EYS: variants seen among roughly 807,000 people sequenced by gnomAD.
EYS encodes EGF-like photoreceptor maintenance factor, also known as protein eyes shut homolog.
EYS carries 250 observed loss-of-function variants against 282.1 expected under a neutral mutation model. The ratio of observed to expected loss-of-function variants is 0.89; its 90% CI spans 0.80 to 0.98. EYS has a LOEUF of 0.98. Among genes scored for constraint, EYS ranks in the 50% least tolerant of loss-of-function variants. The pLI is 0.00. For missense variants in EYS, 4,016 were observed against 3,709.0 expected, an observed-to-expected ratio of 1.08 and a Z score of -2.15; for synonymous variants, 1,355 against 1,282.9, an observed-to-expected ratio of 1.06 and a Z score of -1.20.
At chr6:64,892,122 A>G (rs1323685991) in intron 18 of EYS, among the ~76,000 whole-genome samples, 1 of 151,864 alleles carries the variant, frequency 6.6e-6, no homozygotes, top group African/African-American at 2.4e-5. Context: ...ATATCTCCAA[A>G]CTATAAAAAG....
chr6:64,949,310 C>T (rs1769400369), intron 14 of EYS, among the ~76,000 whole-genome samples: 1 of 151,866 alleles, frequency 6.6e-6, no homozygotes, highest in Non-Finnish European at 1.5e-5. Flanking sequence ...GTGATCTCAC[C>T]TAGGAAATGG....
At chr6:63,996,048 A>T (rs1310805133) in intron 34 of EYS, among the ~76,000 whole-genome samples, 1 of 151,966 alleles carries the variant, frequency 6.6e-6, no homozygotes, top group Non-Finnish European at 1.5e-5. Flanking sequence ...AAAACACTAC[A>T]TTGTACCTGA....
chr6:65,232,782 A>G (rs772344944), intron 12 of EYS, among the ~76,000 whole-genome samples: 14 of 152,266 alleles, frequency 9.2e-5, no homozygotes, highest in African/African-American at 1.4e-4. Flanking sequence ...GAACTTCAAC[A>G]TATGAATTTG....
intron 1 of EYS, among the ~76,000 whole-genome samples, chr6:65,689,781 C>T (rs1396979048): frequency 1.3e-5 from 2 of 149,790 alleles, no homozygotes. Flanking sequence ...TGGTGGTTTG[C>T]TGCACCCCTC....
At chr6:64,093,536 C>A (rs1328371244) in intron 31 of EYS, among the ~76,000 whole-genome samples, 1 of 152,166 alleles carries the variant, frequency 6.6e-6, no homozygotes, top group Non-Finnish European at 1.5e-5. Flanking sequence ...GGAGTCCACT[C>A]ATGATTTGGC....
At chr6:64,880,415 A>G (rs1766877016) in intron 19 of EYS, among the ~76,000 whole-genome samples, 1 of 151,806 alleles carries the variant, frequency 6.6e-6, no homozygotes, top group Non-Finnish European at 1.5e-5. Context: ...TAATTATTCA[A>G]TTACATAAAA....
At chr6:63,894,038 C>A (rs1430577606) in intron 35 of EYS, among the ~76,000 whole-genome samples, 1 of 152,172 alleles carries the variant, frequency 6.6e-6, no homozygotes, top group Admixed American at 6.5e-5. Flanking sequence ...ACAGCAAGAC[C>A]ATCACCCTTC....
At chr6:64,052,342 A>G (rs1432422161) in intron 33 of EYS, among the ~76,000 whole-genome samples, 1 of 152,194 alleles carries the variant, frequency 6.6e-6, no homozygotes. Flanking sequence ...GTTTGCTCAA[A>G]TAATAATTAG....
chr6:65,266,989 T>TAGAGAGAG (rs1554173094), intron 12 of EYS, among the ~76,000 whole-genome samples: 1,963 of 142,108 alleles, frequency 0.014, 17 homozygotes, highest in Non-Finnish European at 0.02. Context: ...TATATATATA[T>TAGAGAGAG]AGAGAGAGAG....
intron 8 of EYS, among the ~76,000 whole-genome samples, chr6:65,356,171 C>T (rs1764477143): frequency 6.6e-6 from 1 of 151,876 alleles, no homozygotes; most frequent in African/African-American, 2.4e-5. Context: ...TTAGCAATAA[C>T]AAAGAATAAA....
intron 13 of EYS, among the ~76,000 whole-genome samples, chr6:65,050,377 A>C (rs1224586229): frequency 2.6e-5 from 4 of 151,708 alleles, no homozygotes; most frequent in Admixed American, 1.3e-4. Flanking sequence ...GAAAGACAAA[A>C]TTAACTTCAA....
At chr6:63,963,206 T>C (rs929004280) in intron 35 of EYS, among the ~76,000 whole-genome samples, 25 of 151,866 alleles carry the variant, frequency 1.6e-4, no homozygotes, top group African/African-American at 5.8e-4. Context: ...CACACCAACA[T>C]GGCATATGTA....
At chr6:65,408,819 T>C (rs908542898) in intron 5 of EYS, among the ~76,000 whole-genome samples, 2 of 152,176 alleles carry the variant, frequency 1.3e-5, no homozygotes, top group Non-Finnish European at 2.9e-5. Flanking sequence ...TTGAGAGTTC[T>C]TTTTCTGGTG....
intron 29 of EYS, among the ~76,000 whole-genome samples, chr6:64,327,624 G>C (rs1770477210): frequency 6.6e-6 from 1 of 152,122 alleles, no homozygotes; most frequent in Non-Finnish European, 1.5e-5. Flanking sequence ...ACCACCCTAA[G>C]TGGCTGCAGG....
In EYS at chr6:64,466,598, G is replaced by A. The variant is rs185085699; in HGVS notation, c.5645-27246C>T. Among the ~76,000 whole-genome samples the A allele has an allele frequency of 6.6e-5, 10 of 152,196 alleles. No homozygotes were observed. In the East Asian group the frequency reaches 1.9e-3, roughly 29 times the overall value. ...AGAATGTTGGTTAGCAGGGATTTGGGAGGAGGTTGAGAAGATATTGGTCAA... is the reference window on the plus strand; with the variant it reads ...AGAATGTTGGTTAGCAGGGATTTGGAAGGAGGTTGAGAAGATATTGGTCAA... On this transcript the variant is annotated intron_variant, in intron 26 of 42. Coordinates refer to ENST00000503581, the MANE Select transcript of EYS (RefSeq NM_001142800.2).
At chr6:64,351,146 A>G (rs956206198) in intron 29 of EYS, among the ~76,000 whole-genome samples, 1 of 151,422 alleles carries the variant, frequency 6.6e-6, no homozygotes, top group Non-Finnish European at 1.5e-5. Flanking sequence ...CATCCAGGAA[A>G]TTCAGTTTTC....
chr6:65,117,160 G>A (rs1044434334), intron 12 of EYS, among the ~76,000 whole-genome samples: 1 of 152,138 alleles, frequency 6.6e-6, no homozygotes, highest in African/African-American at 2.4e-5. Flanking sequence ...TGAGGTCACA[G>A]GTTTTTACCA....
intron 26 of EYS, among the ~76,000 whole-genome samples, chr6:64,564,014 A>C (rs1456652660): frequency 2.0e-5 from 3 of 151,924 alleles, no homozygotes; most frequent in Non-Finnish European, 4.4e-5. Flanking sequence ...CTTTCAAAAA[A>C]ACAAATGTCA....
chr6:64,371,729 G>T (rs1772380953), intron 29 of EYS, among the ~76,000 whole-genome samples: 3 of 152,032 alleles, frequency 2.0e-5, no homozygotes, highest in Admixed American at 6.6e-5. Flanking sequence ...GGACAGTTAG[G>T]TCTTCTAGTT....
Sources: gnomAD v4.1 joint callset for allele counts (sites outside exome capture counted in the v4.1 genomes callset) on GRCh38, gnomAD v4.1.1 for gene constraint, MANE v1.5 for transcripts, NCBI Gene and HGNC (gene_info 2026-07-23, HGNC 2026-07-21) for gene names.